Variants in ROBO1 observed in about 807,000 individuals in gnomAD.
ROBO1 encodes the protein roundabout guidance receptor 1.
ROBO1 carries 149 observed loss-of-function variants against 195.9 expected under a neutral mutation model. That is an observed-to-expected ratio of 0.76 (90% CI 0.67 to 0.87). The LOEUF is 0.87. Among genes scored for constraint, ROBO1 ranks in the 40% least tolerant of loss-of-function variants. ROBO1 has a pLI of 0.00. For missense variants in ROBO1, 1,933 were observed against 2,068.3 expected, an observed-to-expected ratio of 0.93 and a Z score of 1.27; for synonymous variants, 816 against 733.2, an observed-to-expected ratio of 1.11 and a Z score of -1.82.
intron 2 of ROBO1, among the ~76,000 whole-genome samples, chr3:79,437,171 G>T (rs2038916423): frequency 6.6e-6 from 1 of 152,112 alleles, no homozygotes; most frequent in African/African-American, 2.4e-5. Context: ...ACCTTAAAAT[G>T]ATACAGATAA....
chr3:79,346,895 T>G (rs1440358047), intron 2 of ROBO1, among the ~76,000 whole-genome samples: 1 of 152,076 alleles, frequency 6.6e-6, no homozygotes, highest in East Asian at 1.9e-4. Context: ...ACAGTTGGAA[T>G]AGTTTTCAAA....
chr3:79,589,943 G>A lies in ROBO1; in HGVS notation c.-32C>T, dbSNP rs767402173. 1.1e-5 allele frequency: 16 copies of A among 1,482,868 alleles called. No individual in the cohort carries two copies. The highest frequency in any genetic ancestry group is 1.7e-5 in the Admixed American group (1 of 59,198). 91.9% of individuals were successfully genotyped at this position (1,482,868 alleles called of 1,614,324 possible). On this transcript the variant is annotated 5_prime_UTR_variant, in exon 2 of 31. Transcript: ENST00000464233. ...CCCTTCCTTGCATTACAACCAGCCAGTGACAGACAATGTGTTATCTGGGGA... is the reference window on the plus strand; with the variant it reads ...CCCTTCCTTGCATTACAACCAGCCAATGACAGACAATGTGTTATCTGGGGA...
intron 3 of ROBO1, among the ~76,000 whole-genome samples, chr3:79,026,358 T>C (rs2078203300): frequency 6.6e-6 from 1 of 152,142 alleles, no homozygotes; most frequent in African/African-American, 2.4e-5. Flanking sequence ...ATATAATTTT[T>C]ACAGATTCAG....
chr3:78,642,135 G>C (rs1292886667), intron 21 of ROBO1, among the ~76,000 whole-genome samples: 1 of 152,026 alleles, frequency 6.6e-6, no homozygotes, highest in African/African-American at 2.4e-5. Context: ...ACACATGGTG[G>C]TTATAGGGAT....
At chr3:79,053,681 T>C (rs2078748272) in intron 3 of ROBO1, among the ~76,000 whole-genome samples, 1 of 151,916 alleles carries the variant, frequency 6.6e-6, no homozygotes, top group Non-Finnish European at 1.5e-5. Context: ...CAATACCCCT[T>C]TCTCACACTG....
chr3:79,600,873 T>C (rs1944319057), intron 1 of ROBO1, among the ~76,000 whole-genome samples: 2 of 152,038 alleles, frequency 1.3e-5, no homozygotes, highest in Admixed American at 1.3e-4. Context: ...GATTTTTGTA[T>C]GCTTACATTT....
chr3:78,852,110 A>G (rs1046128789), intron 4 of ROBO1, among the ~76,000 whole-genome samples: 3 of 152,124 alleles, frequency 2.0e-5, no homozygotes, highest in African/African-American at 4.8e-5. Flanking sequence ...ATCAGTTCCT[A>G]GGAAATGAAA....
intron 4 of ROBO1, among the ~76,000 whole-genome samples, chr3:78,816,171 C>T (rs1576222263): frequency 1.3e-5 from 2 of 152,180 alleles, no homozygotes. Flanking sequence ...TGTTCATTTA[C>T]CATTAATAAA....
chr3:79,090,339 C>T (rs971462096), intron 3 of ROBO1, among the ~76,000 whole-genome samples: 43 of 152,080 alleles, frequency 2.8e-4, no homozygotes, highest in South Asian at 6.2e-4. Flanking sequence ...ATTAGAAAGA[C>T]CTTCATGTCT....
At chr3:79,101,524 C>T (rs2079675900) in intron 3 of ROBO1, among the ~76,000 whole-genome samples, 1 of 151,792 alleles carries the variant, frequency 6.6e-6, no homozygotes, top group Admixed American at 6.6e-5. Flanking sequence ...TCTCTGAGTT[C>T]CTGTTTCTCA....
At chr3:78,814,784 T>G (rs1357180756) in intron 4 of ROBO1, among the ~76,000 whole-genome samples, 1 of 152,134 alleles carries the variant, frequency 6.6e-6, no homozygotes, top group Non-Finnish European at 1.5e-5. Context: ...ATACCTCATT[T>G]TATAGTGCTT....
chr3:79,091,828 G>A (rs572228069), intron 3 of ROBO1, among the ~76,000 whole-genome samples: 370 of 152,172 alleles, frequency 2.4e-3, no homozygotes, highest in African/African-American at 8.5e-3. Context: ...TTGGAGGGAC[G>A]TTAGGAATTT....
At chr3:79,046,905 T>C (rs1313194653) in intron 3 of ROBO1, among the ~76,000 whole-genome samples, 1 of 152,162 alleles carries the variant, frequency 6.6e-6, no homozygotes, top group African/African-American at 2.4e-5. Flanking sequence ...ATGTTTGTTA[T>C]AAGCTTTTAA....
At chr3:79,473,896 A>T (rs1035242683) in intron 2 of ROBO1, among the ~76,000 whole-genome samples, 1 of 152,162 alleles carries the variant, frequency 6.6e-6, no homozygotes, top group Non-Finnish European at 1.5e-5. Context: ...ACCGAATACC[A>T]ACTTCCTATT....
chr3:79,500,161 C>T (rs1226833203), intron 2 of ROBO1, among the ~76,000 whole-genome samples: 2 of 116,206 alleles, frequency 1.7e-5, no homozygotes, highest in African/African-American at 3.3e-5. Flanking sequence ...GAAGAAGTCT[C>T]GCTCTGTCGC....
At chr3:79,561,677 A>C (rs1942925723) in intron 2 of ROBO1, among the ~76,000 whole-genome samples, 1 of 152,166 alleles carries the variant, frequency 6.6e-6, no homozygotes, top group African/African-American at 2.4e-5. Context: ...GTTAAAGTTC[A>C]AGAAAGTGGG....
chr3:78,676,378 G>A (rs1057122127), intron 10 of ROBO1, among the ~76,000 whole-genome samples: 6 of 152,110 alleles, frequency 3.9e-5, no homozygotes, highest in South Asian at 2.1e-4. Flanking sequence ...AAACTACTCC[G>A]AGCTACACAA....
chr3:78,618,214 T>C (rs952332393), intron 26 of ROBO1, among the ~76,000 whole-genome samples, 173 bp from the exon 27 acceptor site: 1 of 152,136 alleles, frequency 6.6e-6, no homozygotes, highest in Non-Finnish European at 1.5e-5. Flanking sequence ...TTATATTGAG[T>C]TGCACTTCGC....
chr3:79,618,292 C>G (rs1000184324), intron 1 of ROBO1, among the ~76,000 whole-genome samples: 5 of 152,134 alleles, frequency 3.3e-5, no homozygotes. Context: ...GGGAGAAACT[C>G]TAAAAAACAA....
Sources: gnomAD v4.1 joint callset for allele counts (sites outside exome capture counted in the v4.1 genomes callset) on GRCh38, gnomAD v4.1.1 for gene constraint, MANE v1.5 for transcripts, NCBI Gene and HGNC (gene_info 2026-07-23, HGNC 2026-07-21) for gene names.